Variants in PPEF2 observed in about 807,000 individuals in gnomAD.
PPEF2 encodes serine/threonine-protein phosphatase with EF-hands 2.
PPEF2 carries 84 observed loss-of-function variants against 84.7 expected under a neutral mutation model. That is an observed-to-expected ratio of 0.99 (90% CI 0.83 to 1.19). The LOEUF is 1.19. Among genes scored for constraint, PPEF2 ranks in the 50% most tolerant of loss-of-function variants. PPEF2 has a pLI of 0.00. For missense variants in PPEF2, 924 were observed against 937.5 expected, an observed-to-expected ratio of 0.99 and a Z score of 0.19; for synonymous variants, 346 against 345.2, an observed-to-expected ratio of 1.00 and a Z score of -0.03.
chr4:75,897,685 G>A (rs1186967108), intron 1 of PPEF2, among the ~76,000 whole-genome samples: 2 of 152,208 alleles, frequency 1.3e-5, no homozygotes, highest in African/African-American at 4.8e-5. Flanking sequence ...TGAGGCAGGA[G>A]AATGGCTTGA....
chr4:75,891,403 C>T (rs1024845171), intron 4 of PPEF2, among the ~76,000 whole-genome samples: 1 of 152,122 alleles, frequency 6.6e-6, no homozygotes, highest in African/African-American at 2.4e-5. Context: ...CCCTTCCCCA[C>T]TCCCTCCCAC....
In PPEF2 at chr4:75,882,919, C is replaced by CCACT; in HGVS notation, c.933+3_933+6dup. 1.2e-6 allele frequency: 2 copies of CCACT among 1,604,358 alleles called. No individual in the cohort carries two copies. The highest frequency in any genetic ancestry group is 8.5e-7 in the Non-Finnish European group (1 of 1,175,754). ...GGTGAAATTTGTATTATTTCATTAA[C>CCACT]CACTACCTTGCTCCTCTCTATTTTG... On this transcript the variant is annotated splice_region_variant and intron_variant, in intron 10 of 16. Coordinates refer to ENST00000286719, the MANE Select transcript of PPEF2 (RefSeq NM_006239.3).
intron 8 of PPEF2, 29 bp downstream of exon 8, chr4:75,884,565 C>A: frequency 8.5e-6 from 13 of 1,533,644 alleles, no homozygotes; most frequent in Non-Finnish European, 1.1e-5. Context: ...AAACAAACAT[C>A]AAATACTCAA....
At position 75,864,517 on chromosome 4, in the gene PPEF2, G is replaced by C. The variant is rs751909721; in HGVS notation, c.1931C>G (p.Ser644Ter). The C allele has an allele frequency of 1.4e-5, 22 of 1,611,310 alleles. No homozygotes were observed. In the Admixed American group the frequency reaches 3.7e-4, roughly 27 times the overall value. Residue 644 changes from serine to a stop codon, truncating the protein, a stop_gained, in exon 16 of 17, where the codon TCA becomes TGA. Transcript: ENST00000286719. LOFTEE classifies it high-confidence loss of function. ...KEQLSRENIQ[S>*]SLLETLYRNR... ...TCGATACAATGTTTCCAGCAAACTT[G>C]ATTGTATGTTCTGCAAGAAAAAATT...
rs200283817 is a variant in PPEF2 at position 75,891,831 on chromosome 4, C to T, written c.183+20G>A. The T allele has an allele frequency of 1.1e-5, 18 of 1,602,154 alleles. No individual in the cohort carries two copies. Among genetic ancestry groups the T allele is most frequent in the African/African-American group, 2.7e-5 (2 of 74,728 alleles). On this transcript the variant is annotated intron_variant, in intron 3 of 16. Coordinates refer to ENST00000286719, the MANE Select transcript of PPEF2 (RefSeq NM_006239.3). Reference sequence around the variant, plus strand: ...CCCAAGGGAGAGCAGGAGGCGGCTCCGTCCCACATCTCATTGTACCTTGAC... The same window carrying T: ...CCCAAGGGAGAGCAGGAGGCGGCTCTGTCCCACATCTCATTGTACCTTGAC...
intron 4 of PPEF2, among the ~76,000 whole-genome samples, chr4:75,890,488 C>CAAAAAAAAAAAAAAAAAAAAAAAAAAAA (rs10710879): frequency 8.0e-6 from 1 of 124,598 alleles, no homozygotes; most frequent in African/African-American, 3.1e-5. Flanking sequence ...GACCCTGTCT[C>CAAAAAAAAAAAAAAAAAAAAAAAAAAAA]AAAAAAAAAA....
At position 75,896,202 on chromosome 4, in the gene PPEF2, C is replaced by A; in HGVS notation, c.55+69G>T. 2.6e-6 allele frequency: 4 copies of A among 1,545,452 alleles called. No homozygotes were observed. The South Asian group carries it at 4.5e-5, about 17-fold the overall frequency. ...TTTTTCTGCTTCTACCCTCAGAACC[C>A]CCAACCCTCTCCATGCAATATGGGC... On this transcript the variant is annotated intron_variant, in intron 2 of 16. Coordinates refer to ENST00000286719, the MANE Select transcript of PPEF2 (RefSeq NM_006239.3).
intron 15 of PPEF2, 143 bp downstream of exon 15, chr4:75,866,046 A>G: frequency 3.0e-6 from 3 of 987,510 alleles, no homozygotes; most frequent in Non-Finnish European, 4.4e-6. Context: ...AGCCTGACAC[A>G]TAGAAACTCA....
intron 1 of PPEF2, among the ~76,000 whole-genome samples, chr4:75,899,494 G>A (rs565125611): frequency 4.3e-4 from 66 of 152,124 alleles, no homozygotes; most frequent in Middle Eastern, 6.8e-3. Context: ...CATCAAGAGC[G>A]AATCCCACTT....
rs1277052520 is a variant in PPEF2 at position 75,874,301 on chromosome 4, G to GT, written c.1321-990dup. On this transcript the variant is annotated intron_variant, in intron 11 of 16. Transcript: ENST00000286719. ...GTCATTTAATACTTTCTTTTCTTTT[G>GT]TTTTTTTTTTTTGAGACAGAGTCTC... 3.9e-3 allele frequency among the ~76,000 whole-genome samples: 557 copies of GT among 141,886 alleles called. 4 individuals are homozygous for GT. Among genetic ancestry groups the GT allele is most frequent in the Middle Eastern group, 0.014 (4 of 278 alleles). The allele number at this position is 141,886 out of a possible 152,430, so 93.1% of individuals were successfully genotyped here.
Position 75,866,241 on chromosome 4 carries a change from A to G in PPEF2, c.1868T>C (p.Leu623Pro), listed in dbSNP as rs1349645602. ...QLVNSSADNM[L>P]EYKSWLKNLA... is the part of the protein sequence containing the mutation. Reference sequence around the variant, plus strand: ...GTTCTTCAGCCAAGACTTGTACTCCAGCATGTTGTCTGCTGAGCTGTTCAC... The same window carrying G: ...GTTCTTCAGCCAAGACTTGTACTCCGGCATGTTGTCTGCTGAGCTGTTCAC... The change falls in exon 15 of 17, where the codon CTG (leucine) becomes CCG (proline). Residue 623 changes from leucine (L) to proline (P), a missense_variant. Transcript: ENST00000286719. 1.9e-6 allele frequency: 3 copies of G among 1,614,150 alleles called. No individual in the cohort carries two copies. The highest frequency in any genetic ancestry group is 2.5e-6 in the Non-Finnish European group (3 of 1,180,024).
At chr4:75,874,902 C>CT (rs547098807) in intron 11 of PPEF2, among the ~76,000 whole-genome samples, 9,318 of 138,024 alleles carry the variant, frequency 0.068, 1,006 homozygotes, top group African/African-American at 0.23. Context: ...TTCTTTCTTT[C>CT]TTTTTTTTTT....
intron 12 of PPEF2, 127 bp from the exon 13 acceptor site, chr4:75,872,294 C>A: frequency 1.3e-6 from 1 of 788,146 alleles, no homozygotes; most frequent in Non-Finnish European, 1.8e-6. Context: ...GAATCCTTTT[C>A]TTTCTTTCTT....
intron 1 of PPEF2, among the ~76,000 whole-genome samples, chr4:75,897,247 T>C (rs1044908560): frequency 3.3e-5 from 5 of 152,354 alleles, no homozygotes; most frequent in Admixed American, 1.3e-4. Context: ...CTGTCTCTGC[T>C]TCTTGAGCTC....
At chr4:75,866,691 G>A (rs774695177) in intron 14 of PPEF2, among the ~76,000 whole-genome samples, 9 of 152,100 alleles carry the variant, frequency 5.9e-5, no homozygotes, top group Non-Finnish European at 8.8e-5. Flanking sequence ...ACTTCTGCAA[G>A]CCACATAAAA....
intron 8 of PPEF2, among the ~76,000 whole-genome samples, chr4:75,884,033 A>G (rs1435566582): frequency 2.0e-5 from 3 of 151,968 alleles, no homozygotes; most frequent in African/African-American, 7.2e-5. Flanking sequence ...CTTGGGAGGC[A>G]GAGGCAGGAG....
chr4:75,899,875 C>G (rs772686173), intron 1 of PPEF2, among the ~76,000 whole-genome samples: 2 of 152,186 alleles, frequency 1.3e-5, no homozygotes, highest in Non-Finnish European at 2.9e-5. Context: ...TGCTTTGATA[C>G]ATTGGTAACT....
chr4:75,873,164 C>T lies in PPEF2; in HGVS notation c.1469G>A (p.Cys490Tyr). The change falls in exon 12 of 17, where the codon TGC (cysteine) becomes TAC (tyrosine). Residue 490 changes from cysteine to tyrosine, a missense_variant. By Grantham distance (194) the Cys-to-Tyr change is radical. Transcript: ENST00000286719. ...NMQFLIRSHE[C>Y]KPEGYEFCHN... is the part of the protein sequence containing the mutation. The stretch of plus-strand genomic sequence containing the variant: ...ACAGAATTCATAGCCTTCAGGTTTG[C>T]ATTCATGTGAACGGATCAGGAATTG... 2 of 1,614,158 alleles carry T rather than the reference C, an allele frequency of 1.2e-6. No homozygotes were observed. Among genetic ancestry groups the T allele is most frequent in the Non-Finnish European group, 1.7e-6 (2 of 1,179,992 alleles).
chr4:75,886,100 C>A (rs1041027251), intron 7 of PPEF2, among the ~76,000 whole-genome samples: 2 of 152,182 alleles, frequency 1.3e-5, no homozygotes, highest in African/African-American at 4.8e-5. Context: ...CAGTACCAAC[C>A]CGCAGGTTCA....
Sources: allele counts gnomAD v4.1 joint callset (sites outside exome capture counted in the v4.1 genomes callset), GRCh38; gene constraint gnomAD v4.1.1; transcripts MANE v1.5; gene names NCBI Gene and HGNC (gene_info 2026-07-23, HGNC 2026-07-21).